DNAH14: variants seen among roughly 807,000 people sequenced by gnomAD.
DNAH14 encodes the protein dynein axonemal heavy chain 14.
Under a neutral mutation model 520.9 loss-of-function variants are expected in DNAH14, and 478 were observed. That is an observed-to-expected ratio of 0.92 (90% confidence interval 0.85 to 0.99). The LOEUF (loss-of-function observed/expected upper bound fraction) is 0.99, where lower values mean the gene tolerates loss of function less well. Ranked by LOEUF, DNAH14 falls within the 50% of genes least tolerant of loss-of-function variation. The probability of loss-of-function intolerance (pLI) is 0.00; values close to 1 mark genes in which losing one functional copy is unlikely to be tolerated. For synonymous variants in DNAH14, 1,581 were observed against 1,757.2 expected (o/e 0.90, Z 2.51); for missense variants, 4,831 against 5,234.5 (o/e 0.92, Z 2.38).
chr1:225,046,207 A>G (rs1031769832), intron 15 of DNAH14, among the ~76,000 whole-genome samples: 2 of 151,906 alleles, frequency 1.3e-5, no homozygotes, highest in Non-Finnish European at 2.9e-5. Context: ...TCAACTACCC[A>G]TATATAACAA....
intron 83 of DNAH14, among the ~76,000 whole-genome samples, chr1:225,391,116 A>C (rs2095905126): frequency 6.6e-6 from 1 of 152,190 alleles, no homozygotes; most frequent in African/African-American, 2.4e-5. Context: ...CAAAAGGGAG[A>C]ATGATGCCGC....
At position 225,358,576 on chromosome 1, in the gene DNAH14, A is replaced by G. The variant is rs1287123351; in HGVS notation, c.11700A>G (p.Gln3900=). Residue 3900 remains glutamine (Q), a synonymous_variant, in exon 74 of 86, where the codon CAA becomes CAG. Coordinates refer to ENST00000682510, the MANE Select transcript of DNAH14 (RefSeq NM_001367479.1). ...ITEKMGNKYL[Q]RTGVNLKDAY... is the part of the protein sequence containing the mutation. ...AAAAAATGGGAAATAAGTATCTTCA[A>G]AGAACTGGAGTTAATTTGAAAGATG... The G allele has an allele frequency of 6.5e-7, 1 of 1,549,978 alleles. No homozygotes were observed. The highest frequency in any genetic ancestry group is 8.7e-7 in the Non-Finnish European group (1 of 1,146,334).
chr1:224,967,320 T>C, intron 5 of DNAH14, 111 bp from the exon 6 acceptor site: 1 of 603,558 alleles, frequency 1.7e-6, no homozygotes, highest in Non-Finnish European at 2.5e-6. Context: ...TTATTTTTAA[T>C]CTGTATTAAA....
At chr1:224,930,880 G>A (rs1383740908) in intron 1 of DNAH14, among the ~76,000 whole-genome samples, 1 of 152,206 alleles carries the variant, frequency 6.6e-6, no homozygotes, top group Non-Finnish European at 1.5e-5. Context: ...TTACAGGCGT[G>A]AGCCACGGCG....
At chr1:225,007,776 AT>A (rs1558662855) in intron 10 of DNAH14, among the ~76,000 whole-genome samples, 1 of 151,986 alleles carries the variant, frequency 6.6e-6, no homozygotes, top group African/African-American at 2.4e-5. Context: ...ATATGTGTAT[AT>A]CTATATACAA....
At position 225,307,558 on chromosome 1, in the gene DNAH14, C is replaced by CA; in HGVS notation, c.9109dup (p.Thr3037AsnfsTer19). On this transcript the variant is annotated frameshift_variant, in exon 59 of 86. Coordinates refer to ENST00000682510, the MANE Select transcript of DNAH14 (RefSeq NM_001367479.1). LOFTEE classifies it high-confidence loss of function. The stretch of plus-strand genomic sequence containing the variant: ...CTTGATTCTTGGCCCTCAAGTAGAA[C>CA]AAAAAACAAAGGTATGTTTGCTTTG... 9 of 1,534,036 alleles carry CA rather than the reference C, an allele frequency of 5.9e-6. No individual in the cohort carries two copies. Among genetic ancestry groups the CA allele is most frequent in the Non-Finnish European group, 7.0e-6 (8 of 1,141,998 alleles).
intron 71 of DNAH14, 123 bp downstream of exon 71, chr1:225,346,777 A>T: frequency 1.6e-6 from 1 of 633,260 alleles, no homozygotes; most frequent in Non-Finnish European, 2.6e-6. Context: ...GAGGTCAAGC[A>T]CCTCCACTGT....
intron 10 of DNAH14, among the ~76,000 whole-genome samples, chr1:225,015,864 A>G (rs2065177203): frequency 6.6e-6 from 1 of 152,212 alleles, no homozygotes; most frequent in Non-Finnish European, 1.5e-5. Flanking sequence ...CACACTCACC[A>G]GACTATGGAG....
chr1:225,385,622 A>G (rs1220153730), intron 81 of DNAH14, among the ~76,000 whole-genome samples: 1 of 152,210 alleles, frequency 6.6e-6, no homozygotes, highest in Non-Finnish European at 1.5e-5. Context: ...GTGAACTCCC[A>G]TTCACAATTG....
chr1:225,367,803 A>G lies in DNAH14; in HGVS notation c.12091-2A>G. 6.5e-7 allele frequency: 1 copy of G among 1,549,436 alleles called. No homozygotes were observed. The highest frequency in any genetic ancestry group is 8.7e-7 in the Non-Finnish European group (1 of 1,145,212). ...GCCATTTTACTCACATCTGTTTTCA[A>G]GATTGCCGTGGAATCTCCCCAGGGA... On this transcript the variant is annotated splice_acceptor_variant, in intron 76 of 85. Transcript: ENST00000682510. LOFTEE classifies it high-confidence loss of function.
intron 43 of DNAH14, among the ~76,000 whole-genome samples, chr1:225,242,157 C>T (rs1251888011): frequency 6.6e-6 from 1 of 152,038 alleles, no homozygotes; most frequent in Non-Finnish European, 1.5e-5. Flanking sequence ...TCGCTTGAGC[C>T]CAAGAGTTGG....
intron 4 of DNAH14, among the ~76,000 whole-genome samples, chr1:224,960,646 T>C (rs771178773): frequency 6.6e-6 from 1 of 152,150 alleles, no homozygotes; most frequent in Admixed American, 6.6e-5. Context: ...TGCCTTTGCC[T>C]GATAGAGTTT....
intron 21 of DNAH14, among the ~76,000 whole-genome samples, chr1:225,087,851 A>T (rs1036808326): frequency 9.2e-5 from 14 of 152,224 alleles, no homozygotes; most frequent in African/African-American, 3.4e-4. Flanking sequence ...TCAGGGAAAC[A>T]ACCACTTGAG....
At chr1:225,083,317 A>AGC (rs1553435086) in intron 20 of DNAH14, among the ~76,000 whole-genome samples, 1 of 151,498 alleles carries the variant, frequency 6.6e-6, no homozygotes, top group Non-Finnish European at 1.5e-5. Flanking sequence ...ATGTAATCAA[A>AGC]ACATATTTTA....
At chr1:225,242,140 G>A (rs1435070541) in intron 43 of DNAH14, among the ~76,000 whole-genome samples, 3 of 152,106 alleles carry the variant, frequency 2.0e-5, no homozygotes, top group Non-Finnish European at 4.4e-5. Context: ...AGGCTGAGGT[G>A]AGAGGATCGC....
chr1:225,273,122 T>G lies in DNAH14; in HGVS notation c.8007T>G (p.Phe2669Leu). 6.5e-7 allele frequency: 1 copy of G among 1,547,390 alleles called. No homozygotes were observed. The highest frequency in any genetic ancestry group is 8.7e-7 in the Non-Finnish European group (1 of 1,145,888). The change falls in exon 52 of 86, where the codon TTT (phenylalanine) becomes TTG (leucine). Residue 2669 changes from phenylalanine (F) to leucine (L), a missense_variant. Transcript: ENST00000682510. ...TTTCAAGGGAACTTGAGAACTGTTT[T>G]CAGGTAAATTTATATTTTAAAAATT... ...RLLSRELENC[F>L]QIQWTQENLM...
intron 81 of DNAH14, among the ~76,000 whole-genome samples, 164 bp downstream of exon 81, chr1:225,381,743 C>T (rs2095786230): frequency 6.6e-6 from 1 of 152,188 alleles, no homozygotes; most frequent in Non-Finnish European, 1.5e-5. Flanking sequence ...GTTGGAATGC[C>T]TCTTAACAGT....
intron 1 of DNAH14, among the ~76,000 whole-genome samples, chr1:224,936,317 C>G (rs148075907): frequency 6.6e-6 from 1 of 151,404 alleles, no homozygotes; most frequent in Admixed American, 6.6e-5. Flanking sequence ...AAACCACAAC[C>G]ACCAGCAAGA....
chr1:225,195,981 G>A (rs1320511605), intron 38 of DNAH14, among the ~76,000 whole-genome samples: 1 of 151,870 alleles, frequency 6.6e-6, no homozygotes, highest in Non-Finnish European at 1.5e-5. Context: ...TTAACCCACA[G>A]TCTCACATTT....
Sources: gnomAD v4.1 joint callset for allele counts (sites outside exome capture counted in the v4.1 genomes callset) on GRCh38, gnomAD v4.1.1 for gene constraint, MANE v1.5 for transcripts, NCBI Gene and HGNC (gene_info 2026-07-23, HGNC 2026-07-21) for gene names.